WNK3: variants seen among roughly 807,000 people sequenced by gnomAD.
WNK3 encodes the protein serine/threonine-protein kinase WNK3.
WNK3 carries 18 observed loss-of-function variants against 116.7 expected under a neutral mutation model. The observed-to-expected ratio is 0.15, with a 90% confidence interval of 0.11 to 0.23. The LOEUF is 0.23. Ranked by LOEUF, WNK3 falls within the 10% of genes least tolerant of loss-of-function variation. The probability of loss-of-function intolerance (pLI) is 1.00; values close to 1 mark genes in which losing one functional copy is unlikely to be tolerated. For synonymous variants in WNK3, 404 were observed against 469.4 expected, an observed-to-expected ratio of 0.86 and a Z score of 1.80; for missense variants, 993 against 1,323.8, an observed-to-expected ratio of 0.75 and a Z score of 3.88.
Position 54,279,381 on chromosome X carries a change from A to C in WNK3, c.2037+13507T>G, listed in dbSNP as rs782280254. Among the ~76,000 whole-genome samples the C allele has an allele frequency of 2.7e-5, 3 of 111,266 alleles. No individual in the cohort carries two copies. In the South Asian group the frequency reaches 1.1e-3, roughly 42 times the overall value. On this transcript the variant is annotated intron_variant, in intron 10 of 23. Transcript: ENST00000354646. The stretch of plus-strand genomic sequence containing the variant: ...AACAATTATAACCAGCCTGGGCAAC[A>C]CAGGGAGACCCGTCTCTACACAGAT...
chrX:54,278,952 T>G (rs1569537624), intron 10 of WNK3, among the ~76,000 whole-genome samples: 1 of 110,530 alleles, frequency 9.0e-6, no homozygotes, highest in Admixed American at 9.7e-5. Context: ...CCTGTAATTC[T>G]AGCTACTTGG....
chrX:54,276,985 G>A (rs2068456686), intron 10 of WNK3, among the ~76,000 whole-genome samples: 1 of 112,178 alleles, frequency 8.9e-6, no homozygotes, highest in Non-Finnish European at 1.9e-5. Context: ...CCAAAGTGCT[G>A]GGATTACAGG....
intron 22 of WNK3, among the ~76,000 whole-genome samples, chrX:54,216,900 G>A (rs995372914): frequency 8.9e-6 from 1 of 112,391 alleles, no homozygotes; most frequent in Admixed American, 9.4e-5. Context: ...GGGAGGCCAG[G>A]TGTATTGGCT....
chrX:54,214,467 C>A, intron 22 of WNK3, among the ~76,000 whole-genome samples: 1 of 111,647 alleles, frequency 9.0e-6, no homozygotes, highest in Admixed American at 9.6e-5. Flanking sequence ...GGTAAACTTT[C>A]TTGTATTCAA....
intron 20 of WNK3, among the ~76,000 whole-genome samples, chrX:54,235,845 T>A (rs1603378638): frequency 8.9e-6 from 1 of 112,056 alleles, no homozygotes; most frequent in Non-Finnish European, 1.9e-5. Context: ...CAAGATACTA[T>A]GAAATGGTAA....
rs149649139 is a variant in WNK3, at chrX:54,307,617, G to A, written c.1089+305C>T. 7.5e-3 allele frequency among the ~76,000 whole-genome samples: 826 copies of A among 110,611 alleles called. 10 individuals are homozygous for A. Among genetic ancestry groups the A allele is most frequent in the African/African-American group, 0.027 (809 of 30,518 alleles). On this transcript the variant is annotated intron_variant, in intron 5 of 23. Transcript: ENST00000354646. ...TAGACCTAGAAGAAACCATGTAGTC[G>A]GTCTCTATTATTCAGCTTTGAAAAA...
At position 54,201,980 on chromosome X, in the gene WNK3, A is replaced by G; in HGVS notation, c.5073+11T>C. 8.3e-7 allele frequency: 1 copy of G among 1,207,339 alleles called. No homozygotes were observed. The highest frequency in any genetic ancestry group is 1.1e-6 in the Non-Finnish European group (1 of 891,811). ...CTTGTAAACAAAGTGAATTGGGTAT[A>G]AACAACTTACTTCAGATACTTTATT... On this transcript the variant is annotated intron_variant, in intron 23 of 23. Coordinates refer to ENST00000354646, the Ensembl canonical transcript of WNK3.
chrX:54,201,931 G>A (rs1483949548), intron 23 of WNK3, 60 bp downstream of exon 23: 4 of 1,022,383 alleles, frequency 3.9e-6, no homozygotes, highest in East Asian at 3.0e-5. Context: ...AGGCCTAAGC[G>A]CATCAATTTT....
chrX:54,279,376 G>A (rs1557161808), intron 10 of WNK3, among the ~76,000 whole-genome samples: 1 of 110,844 alleles, frequency 9.0e-6, no homozygotes, highest in East Asian at 2.8e-4. Flanking sequence ...ACCAGCCTGG[G>A]CAACACAGGG....
intron 2 of WNK3, among the ~76,000 whole-genome samples, chrX:54,314,214 A>C (rs184595117): frequency 0.027 from 2,974 of 108,432 alleles, 30 homozygotes; most frequent in Non-Finnish European, 0.037. Context: ...CAAAAAAAAA[A>C]AAAACAAAAC....
intron 10 of WNK3, among the ~76,000 whole-genome samples, chrX:54,265,139 G>A (rs2068295545): frequency 9.0e-6 from 1 of 111,707 alleles, no homozygotes; most frequent in South Asian, 3.7e-4. Context: ...CAGAAAGTGT[G>A]CATCTCCTTG....
intron 10 of WNK3, among the ~76,000 whole-genome samples, chrX:54,272,144 C>T: frequency 8.9e-6 from 1 of 112,266 alleles, no homozygotes; most frequent in East Asian, 2.8e-4. Context: ...ACTAGAATAT[C>T]TCTCTAGAGA....
At chrX:54,336,606 T>A (rs151241420) in intron 1 of WNK3, among the ~76,000 whole-genome samples, 2 of 110,951 alleles carry the variant, frequency 1.8e-5, no homozygotes, top group Non-Finnish European at 3.8e-5. Context: ...GTTGTTTACA[T>A]GTGTATCAGA....
At chrX:54,324,907 A>G (rs1557172962) in intron 2 of WNK3, among the ~76,000 whole-genome samples, 1 of 112,349 alleles carries the variant, frequency 8.9e-6, no homozygotes, top group African/African-American at 3.2e-5. Flanking sequence ...TTCGTATCTA[A>G]TTCTAATTTC....
At chrX:54,325,706 A>T (rs868993727) in intron 2 of WNK3, among the ~76,000 whole-genome samples, 5 of 103,465 alleles carry the variant, frequency 4.8e-5, no homozygotes, top group Non-Finnish European at 9.7e-5. Context: ...AAAAAAAAAA[A>T]GGAAATAGTT....
At chrX:54,313,685 G>T in intron 2 of WNK3, among the ~76,000 whole-genome samples, 1 of 110,946 alleles carries the variant, frequency 9.0e-6, no homozygotes, top group Admixed American at 9.7e-5. Context: ...TTGTGCACTA[G>T]ATCTCTCCTA....
At position 54,329,833 on chromosome X, in the gene WNK3, G is replaced by T. The variant is rs782223617; in HGVS notation, c.537+3304C>A. ...TCATTTACAGATGGTATCATGCAAA[G>T]TTGAGTGCTACTGATGTCACAATGC... On this transcript the variant is annotated intron_variant, in intron 2 of 23. Coordinates refer to ENST00000354646, the Ensembl canonical transcript of WNK3. Among the ~76,000 whole-genome samples, 26 of 111,785 alleles carry T rather than the reference G, an allele frequency of 2.3e-4. No individual in the cohort carries two copies. In the South Asian group the frequency reaches 9.7e-3, roughly 42 times the overall value.
intron 22 of WNK3, among the ~76,000 whole-genome samples, chrX:54,204,122 ATT>A (rs2067527915): frequency 9.0e-6 from 1 of 111,055 alleles, no homozygotes; most frequent in African/African-American, 3.3e-5. Flanking sequence ...GTGATTAAAT[ATT>A]TTTGTTTGTT....
chrX:54,222,132 G>A (rs1331060090), intron 22 of WNK3, among the ~76,000 whole-genome samples: 1 of 111,797 alleles, frequency 8.9e-6, no homozygotes, highest in Non-Finnish European at 1.9e-5. Context: ...ACTCCAGCCT[G>A]GGCGACAAGA....
Sources: gnomAD v4.1 joint callset for allele counts (sites outside exome capture counted in the v4.1 genomes callset) on GRCh38, gnomAD v4.1.1 for gene constraint, MANE v1.5 for transcripts, NCBI Gene and HGNC (gene_info 2026-07-23, HGNC 2026-07-21) for gene names.